Variants in HSD17B12 observed in about 807,000 individuals in gnomAD.
HSD17B12 encodes the protein very-long-chain 3-oxoacyl-CoA reductase.
HSD17B12 carries 32 observed loss-of-function variants against 39.3 expected under a neutral mutation model. The ratio of observed to expected loss-of-function variants is 0.81; its 90% confidence interval spans 0.61 to 1.09. The LOEUF is 1.09. Ranked by LOEUF, HSD17B12 falls within the 50% of genes least tolerant of loss-of-function variation. The probability of loss-of-function intolerance (pLI) is 0.00; values close to 1 mark genes in which losing one functional copy is unlikely to be tolerated. For synonymous variants in HSD17B12, 150 were observed against 146.7 expected (o/e 1.02, Z -0.16); for missense variants, 342 against 382.9 (o/e 0.89, Z 0.89).
intron 3 of HSD17B12, among the ~76,000 whole-genome samples, chr11:43,761,775 C>G (rs1044536148): frequency 6.6e-6 from 1 of 152,200 alleles, no homozygotes; most frequent in Non-Finnish European, 1.5e-5. Flanking sequence ...CACATGGTAA[C>G]TATATTCCCC....
chr11:43,650,832 G>GA, the HSD17B12 span, among the ~76,000 whole-genome samples: 14 of 152,136 alleles, frequency 9.2e-5, no homozygotes, highest in African/African-American at 3.1e-4. Context: ...ATATTAAATG[G>GA]AAAATTCTGG....
At chr11:43,702,944 G>T (rs1054498166) in intron 1 of HSD17B12, among the ~76,000 whole-genome samples, 1 of 152,058 alleles carries the variant, frequency 6.6e-6, no homozygotes, top group African/African-American at 2.4e-5. Context: ...ATGTATCATT[G>T]AATTCTGTCT....
At chr11:43,609,561 G>T in the HSD17B12 span, among the ~76,000 whole-genome samples, 1 of 151,862 alleles carries the variant, frequency 6.6e-6, no homozygotes, top group South Asian at 2.1e-4. Flanking sequence ...TGGGGTGGGG[G>T]GTCTTGTTAT....
intron 3 of HSD17B12, among the ~76,000 whole-genome samples, chr11:43,754,671 A>G (rs1950494155): frequency 6.6e-6 from 1 of 152,242 alleles, no homozygotes; most frequent in Admixed American, 6.5e-5. Flanking sequence ...TTGTCTTGTC[A>G]GTAGTCAAAT....
intron 2 of HSD17B12, among the ~76,000 whole-genome samples, chr11:43,751,992 T>C (rs1025491969): frequency 1.3e-5 from 2 of 152,196 alleles, no homozygotes; most frequent in African/African-American, 4.8e-5. Flanking sequence ...TCTTTTTTAA[T>C]CGTTGTTTTT....
At chr11:43,572,954 A>T in the HSD17B12 span, among the ~76,000 whole-genome samples, 1 of 152,068 alleles carries the variant, frequency 6.6e-6, no homozygotes, top group East Asian at 1.9e-4. Context: ...ACCTACTGGC[A>T]TTTTTCGTGG....
At chr11:43,825,106 G>C (rs965195187) in intron 6 of HSD17B12, among the ~76,000 whole-genome samples, 1 of 151,028 alleles carries the variant, frequency 6.6e-6, no homozygotes, top group African/African-American at 2.4e-5. Flanking sequence ...ACTCCAGCCT[G>C]GCTGGCAGAG....
At chr11:43,666,564 A>G in the HSD17B12 span, among the ~76,000 whole-genome samples, 1 of 152,238 alleles carries the variant, frequency 6.6e-6, no homozygotes, top group East Asian at 1.9e-4. Flanking sequence ...GGCTGGTCTC[A>G]AACTACTGAA....
At chr11:43,721,931 T>C (rs569191122) in intron 1 of HSD17B12, among the ~76,000 whole-genome samples, 2 of 152,296 alleles carry the variant, frequency 1.3e-5, no homozygotes, top group African/African-American at 2.4e-5. Flanking sequence ...AAGTAGGATG[T>C]TGTAAAGGAG....
intron 3 of HSD17B12, among the ~76,000 whole-genome samples, chr11:43,768,674 G>A (rs1432032728): frequency 6.6e-6 from 1 of 152,224 alleles, no homozygotes; most frequent in African/African-American, 2.4e-5. Context: ...AGCTCTTAAA[G>A]GTGGTGTGGA....
At chr11:43,844,394 G>C (rs1951455677) in intron 9 of HSD17B12, among the ~76,000 whole-genome samples, 1 of 152,112 alleles carries the variant, frequency 6.6e-6, no homozygotes, top group Non-Finnish European at 1.5e-5. Flanking sequence ...CAAAAACACA[G>C]TAACAACAAC....
chr11:43,855,007 T>G, intron 10 of HSD17B12, 137 bp from the exon 11 acceptor site: 1 of 1,066,606 alleles, frequency 9.4e-7, no homozygotes, highest in Non-Finnish European at 1.3e-6. Context: ...GTTATAATTA[T>G]AATGGTCGTA....
the HSD17B12 span, among the ~76,000 whole-genome samples, chr11:43,567,418 C>T: frequency 6.6e-6 from 1 of 152,186 alleles, no homozygotes; most frequent in African/African-American, 2.4e-5. Flanking sequence ...ACCTGGATTA[C>T]CTGAAAGCAG....
chr11:43,804,776 T>C (rs977757972), intron 4 of HSD17B12, among the ~76,000 whole-genome samples: 1 of 152,202 alleles, frequency 6.6e-6, no homozygotes, highest in Non-Finnish European at 1.5e-5. Context: ...AACTAAAAGA[T>C]AGTTTGAGCA....
chr11:43,845,136 G>T (rs764593955), intron 9 of HSD17B12, among the ~76,000 whole-genome samples: 1 of 152,160 alleles, frequency 6.6e-6, no homozygotes, highest in Non-Finnish European at 1.5e-5. Context: ...TAGGACCGCA[G>T]GCACATGCCA....
At chr11:43,787,090 T>C (rs1950822172) in intron 3 of HSD17B12, among the ~76,000 whole-genome samples, 1 of 152,050 alleles carries the variant, frequency 6.6e-6, no homozygotes, top group African/African-American at 2.4e-5. Flanking sequence ...TACAGGCATG[T>C]ACCACCATGT....
intron 1 of HSD17B12, among the ~76,000 whole-genome samples, chr11:43,684,665 G>C (rs544162478): frequency 6.6e-6 from 1 of 152,322 alleles, no homozygotes; most frequent in Admixed American, 6.5e-5. Context: ...CCACTAATCA[G>C]TTAGTGAGTT....
chr11:43,807,376 G>C (rs550382689), intron 4 of HSD17B12, among the ~76,000 whole-genome samples: 85 of 152,232 alleles, frequency 5.6e-4, no homozygotes, highest in African/African-American at 2.0e-3. Flanking sequence ...CCAGGTGGAG[G>C]AAACGGCATG....
intron 1 of HSD17B12, among the ~76,000 whole-genome samples, chr11:43,700,187 G>C (rs1949950705): frequency 6.6e-6 from 1 of 151,914 alleles, no homozygotes; most frequent in East Asian, 1.9e-4. Context: ...ACCAGAAAAA[G>C]TCCTAATTTA....
Sources: gnomAD v4.1 joint callset for allele counts (sites outside exome capture counted in the v4.1 genomes callset) on GRCh38, gnomAD v4.1.1 for gene constraint, MANE v1.5 for transcripts, NCBI Gene and HGNC (gene_info 2026-07-23, HGNC 2026-07-21) for gene names.